Variants in RABEP1 observed in about 807,000 individuals in gnomAD.
RABEP1 encodes the protein rab GTPase-binding effector protein 1.
In RABEP1, 51 loss-of-function variants were observed where a neutral mutation model predicts 123.4. The observed-to-expected ratio is 0.41, with a 90% CI of 0.33 to 0.52. The LOEUF (loss-of-function observed/expected upper bound fraction) is 0.52, where lower values mean the gene tolerates loss of function less well. Among genes scored for constraint, RABEP1 ranks in the 20% least tolerant of loss-of-function variants. The probability of loss-of-function intolerance (pLI) is 0.16; values close to 1 mark genes in which losing one functional copy is unlikely to be tolerated. For missense variants in RABEP1, 888 were observed against 996.3 expected, an observed-to-expected ratio of 0.89 and a Z score of 1.46; for synonymous variants, 347 against 355.2, an observed-to-expected ratio of 0.98 and a Z score of 0.26.
intron 1 of RABEP1, among the ~76,000 whole-genome samples, chr17:5,294,117 C>A (rs1023381512): frequency 5.3e-5 from 8 of 152,166 alleles, no homozygotes; most frequent in Non-Finnish European, 1.0e-4. Flanking sequence ...GGTCCACTTT[C>A]ATGAATTCAA....
At chr17:5,284,868 G>A (rs1273982607) in intron 1 of RABEP1, among the ~76,000 whole-genome samples, 2 of 150,068 alleles carry the variant, frequency 1.3e-5, no homozygotes, top group African/African-American at 4.9e-5. Flanking sequence ...AAAAAAAATC[G>A]CCAGAATTCT....
intron 13 of RABEP1, 99 bp downstream of exon 13, chr17:5,373,553 G>A (rs866559069): frequency 1.8e-5 from 23 of 1,299,896 alleles, no homozygotes; most frequent in Middle Eastern, 2.0e-4. Context: ...TATAATTCAC[G>A]TGCCAATTCA....
intron 6 of RABEP1, among the ~76,000 whole-genome samples, chr17:5,347,204 GTTTGAGACCAGCCTGGCCAAC>G (rs1388951138): frequency 6.6e-6 from 1 of 152,142 alleles, no homozygotes; most frequent in Non-Finnish European, 1.5e-5. Flanking sequence ...AAGGTCAGGA[GTTTGAGACCAGCCTGGCCAAC>G]ATGGCGAAAA....
At chr17:5,382,020 A>G (rs1309206874) in intron 17 of RABEP1, among the ~76,000 whole-genome samples, 1 of 151,874 alleles carries the variant, frequency 6.6e-6, no homozygotes. Flanking sequence ...GAATGCCTGT[A>G]ATGACACAAT....
At chr17:5,337,690 C>A (rs148067571) in intron 4 of RABEP1, among the ~76,000 whole-genome samples, 1 of 151,112 alleles carries the variant, frequency 6.6e-6, no homozygotes, top group Non-Finnish European at 1.5e-5. Context: ...GAGACTCCGT[C>A]TCAAAAAAAA....
At chr17:5,355,854 C>T (rs1451521535) in intron 8 of RABEP1, among the ~76,000 whole-genome samples, 1 of 152,106 alleles carries the variant, frequency 6.6e-6, no homozygotes, top group African/African-American at 2.4e-5. Flanking sequence ...GACTGGGAAC[C>T]ACTTGGTCTA....
At chr17:5,309,311 A>G (rs2075211986) in intron 2 of RABEP1, among the ~76,000 whole-genome samples, 3 of 151,342 alleles carry the variant, frequency 2.0e-5, no homozygotes, top group African/African-American at 4.9e-5. Context: ...GTTGAACTCA[A>G]TGAGCAAAAC....
chr17:5,341,207 A>G (rs894838654), intron 5 of RABEP1, among the ~76,000 whole-genome samples: 5 of 151,774 alleles, frequency 3.3e-5, no homozygotes, highest in South Asian at 2.1e-4. Flanking sequence ...CTTGAGCCCA[A>G]GGAGTTGAGG....
chr17:5,282,906 C>G (rs1162536021), intron 1 of RABEP1, among the ~76,000 whole-genome samples: 2 of 152,008 alleles, frequency 1.3e-5, no homozygotes, highest in Non-Finnish European at 2.9e-5. Flanking sequence ...AAAATCTTAG[C>G]TTAGGTAGTG....
chr17:5,319,011 T>C (rs563276442), intron 2 of RABEP1, among the ~76,000 whole-genome samples: 1 of 152,166 alleles, frequency 6.6e-6, no homozygotes, highest in East Asian at 1.9e-4. Context: ...TTGTACCCAA[T>C]ACATATATAC....
At chr17:5,304,341 C>T (rs763765979) in intron 1 of RABEP1, among the ~76,000 whole-genome samples, 4 of 151,924 alleles carry the variant, frequency 2.6e-5, no homozygotes, top group African/African-American at 7.3e-5. Context: ...GCACTTTGGA[C>T]GGCTGAGGCG....
chr17:5,296,939 A>G (rs1272449921), intron 1 of RABEP1, among the ~76,000 whole-genome samples: 1 of 151,896 alleles, frequency 6.6e-6, no homozygotes, highest in East Asian at 2.0e-4. Flanking sequence ...AGGTTTCACC[A>G]TGTTGCTCAG....
intron 6 of RABEP1, among the ~76,000 whole-genome samples, chr17:5,349,614 A>T (rs1373216123): frequency 1.3e-5 from 2 of 152,218 alleles, no homozygotes; most frequent in East Asian, 3.8e-4. Flanking sequence ...ATCAGAATGT[A>T]TTAAACACAA....
chr17:5,291,423 A>G (rs2075032385), intron 1 of RABEP1, among the ~76,000 whole-genome samples: 1 of 152,068 alleles, frequency 6.6e-6, no homozygotes, highest in Non-Finnish European at 1.5e-5. Context: ...AAAAAAGAAA[A>G]CTAGACTTAC....
intron 1 of RABEP1, among the ~76,000 whole-genome samples, chr17:5,286,514 G>A (rs2074979596): frequency 6.7e-6 from 1 of 148,452 alleles, no homozygotes. Flanking sequence ...GAGTTGTATT[G>A]TTCAATTAAC....
In RABEP1 at chr17:5,381,499, C is replaced by T. The variant is rs755344567; in HGVS notation, c.2481C>T (p.Thr827=). 5 of 1,612,348 alleles carry T rather than the reference C, an allele frequency of 3.1e-6. No individual in the cohort carries two copies. Among genetic ancestry groups the T allele is most frequent in the Non-Finnish European group, 3.4e-6 (4 of 1,179,352 alleles). The part of the protein sequence containing the change: ...VQRDFVKLSQ[T]LQVQLERIRQ... ...GGGATTTTGTAAAGCTTTCACAGACCCTTCAGGTGAGGCATTTGGGGAACC... is the reference window on the plus strand; with the variant it reads ...GGGATTTTGTAAAGCTTTCACAGACTCTTCAGGTGAGGCATTTGGGGAACC... The change falls in exon 17 of 18, where the codon ACC becomes ACT. Residue 827 remains threonine, a synonymous_variant. Transcript: ENST00000537505.
rs1911914130 is a variant in RABEP1, at chr17:5,385,862, C to A, written c.*2639C>A. The A allele has an allele frequency of 2.2e-5, 6 of 277,852 alleles. No homozygotes were observed. The highest frequency in any genetic ancestry group is 4.0e-5 in the Non-Finnish European group (6 of 149,286). 17.2% of individuals were successfully genotyped at this position (277,852 alleles called of 1,614,324 possible). A position where few individuals can be genotyped will look rare whatever the true frequency, so the allele number is the denominator to read the frequency against. On this transcript the variant is annotated 3_prime_UTR_variant, in exon 18 of 18. Coordinates refer to ENST00000537505, the MANE Select transcript of RABEP1 (RefSeq NM_004703.6). ...CTAGGGTTCTATCCCTCTTCAGAGTCATGTTTCTGGTGCTGCTACTTTAAA... is the reference window on the plus strand; with the variant it reads ...CTAGGGTTCTATCCCTCTTCAGAGTAATGTTTCTGGTGCTGCTACTTTAAA...
intron 1 of RABEP1, among the ~76,000 whole-genome samples, chr17:5,304,456 C>T (rs1394164958): frequency 6.6e-6 from 1 of 151,586 alleles, no homozygotes; most frequent in African/African-American, 2.4e-5. Context: ...GTGGTAGGCT[C>T]CTGTAATCCC....
chr17:5,365,661 G>A (rs1408426273), intron 11 of RABEP1, among the ~76,000 whole-genome samples: 6 of 151,950 alleles, frequency 3.9e-5, no homozygotes, highest in South Asian at 2.1e-4. Flanking sequence ...ATATTAGCTG[G>A]TACCCCAGAA....
Sources: allele counts gnomAD v4.1 joint callset (sites outside exome capture counted in the v4.1 genomes callset), GRCh38; gene constraint gnomAD v4.1.1; transcripts MANE v1.5; gene names NCBI Gene and HGNC (gene_info 2026-07-23, HGNC 2026-07-21).